The following FCHSD2 variants were observed in gnomAD, a reference collection of about 807,000 sequenced individuals.
FCHSD2 encodes the protein FCH and double SH3 domains 2, also known as F-BAR and double SH3 domains protein 2.
FCHSD2 carries 38 observed loss-of-function variants against 108.1 expected under a neutral mutation model. That is an observed-to-expected ratio of 0.35 (90% CI 0.27 to 0.46). FCHSD2 has a LOEUF of 0.46. Among genes scored for constraint, FCHSD2 ranks in the 20% least tolerant of loss-of-function variants. The pLI, the probability that FCHSD2 is intolerant of heterozygous loss-of-function variation, is 1.00. For synonymous variants in FCHSD2, 279 were observed against 314.7 expected, an observed-to-expected ratio of 0.89 and a Z score of 1.20; for missense variants, 751 against 897.8, an observed-to-expected ratio of 0.84 and a Z score of 2.09.
chr11:72,859,183 A>G (rs1861508290), intron 13 of FCHSD2, among the ~76,000 whole-genome samples: 1 of 152,202 alleles, frequency 6.6e-6, no homozygotes, highest in Non-Finnish European at 1.5e-5. Context: ...ATGATCTGAA[A>G]ATATTAAGTG....
At chr11:72,912,687 G>A (rs1855787852) in intron 9 of FCHSD2, among the ~76,000 whole-genome samples, 1 of 152,110 alleles carries the variant, frequency 6.6e-6, no homozygotes. Flanking sequence ...GGAATTGGTT[G>A]AGTAAAATTG....
intron 2 of FCHSD2, among the ~76,000 whole-genome samples, chr11:73,084,663 G>A (rs724673): frequency 0.15 from 23,477 of 152,158 alleles, 2,411 homozygotes; most frequent in East Asian, 0.38. Flanking sequence ...CAAAGCATTG[G>A]GATTACTGGC....
intron 3 of FCHSD2, chr11:73,077,778 C>T (rs6592510): frequency 0.77 from 204,469 of 265,988 alleles, 79,267 homozygotes; most frequent in South Asian, 0.86. Context: ...ATTATAAGGA[C>T]ACACAGGAAA....
chr11:73,093,049 C>A (rs146742719), intron 2 of FCHSD2, among the ~76,000 whole-genome samples: 1 of 152,244 alleles, frequency 6.6e-6, no homozygotes, highest in East Asian at 1.9e-4. Flanking sequence ...AGGCTAAGGC[C>A]AGCCGCATGA....
At chr11:72,901,663 T>C (rs563082282) in intron 10 of FCHSD2, among the ~76,000 whole-genome samples, 19 of 152,138 alleles carry the variant, frequency 1.2e-4, no homozygotes, top group African/African-American at 4.6e-4. Context: ...AATGGTAATT[T>C]TTGTGTTATG....
At chr11:72,955,494 T>G (rs1326771626) in intron 8 of FCHSD2, among the ~76,000 whole-genome samples, 2 of 152,124 alleles carry the variant, frequency 1.3e-5, no homozygotes, top group Non-Finnish European at 2.9e-5. Context: ...CTAATGGTGA[T>G]CAAGTCACCC....
intron 6 of FCHSD2, among the ~76,000 whole-genome samples, chr11:72,986,164 T>G (rs770173461): frequency 6.6e-6 from 1 of 152,156 alleles, no homozygotes; most frequent in East Asian, 1.9e-4. Context: ...TTTAAAAGAT[T>G]CCTGTTATTT....
intron 3 of FCHSD2, among the ~76,000 whole-genome samples, chr11:73,020,259 T>G (rs768586605): frequency 6.6e-6 from 1 of 152,222 alleles, no homozygotes; most frequent in Non-Finnish European, 1.5e-5. Context: ...GGAAATGGAC[T>G]GATGGCTTAA....
rs139631736 is a variant in FCHSD2 at position 73,013,773 on chromosome 11, G to C, written c.242+2036C>G. Among the ~76,000 whole-genome samples the C allele has an allele frequency of 3.1e-3, 471 of 152,254 alleles. 1 individual carries two copies. The highest frequency in any genetic ancestry group is 0.011 in the African/African-American group (447 of 41,548). On this transcript the variant is annotated intron_variant, in intron 4 of 19. Coordinates refer to ENST00000409418, the MANE Select transcript of FCHSD2 (RefSeq NM_014824.3). The stretch of plus-strand genomic sequence containing the variant: ...GTTTATAAGCTAGCCTAGGAGCATA[G>C]CTTTTTAATCCTTATTTCTTTGGTA...
intron 8 of FCHSD2, among the ~76,000 whole-genome samples, chr11:72,950,381 G>C (rs1457900142): frequency 6.6e-6 from 1 of 151,542 alleles, no homozygotes; most frequent in Non-Finnish European, 1.5e-5. Context: ...TGTGTTTTTG[G>C]TGATATCTGA....
intron 8 of FCHSD2, among the ~76,000 whole-genome samples, chr11:72,960,412 T>C (rs971157866): frequency 3.3e-5 from 5 of 152,224 alleles, no homozygotes; most frequent in African/African-American, 1.2e-4. Context: ...TCTAGTCTGC[T>C]GCTCCTTTGG....
intron 13 of FCHSD2, among the ~76,000 whole-genome samples, chr11:72,856,468 C>A (rs1002445589): frequency 6.6e-6 from 1 of 152,162 alleles, no homozygotes; most frequent in Non-Finnish European, 1.5e-5. Flanking sequence ...AAATGTCCTT[C>A]TGTATCCCAT....
At chr11:72,983,595 T>C (rs192556824) in intron 8 of FCHSD2, among the ~76,000 whole-genome samples, 1 of 152,304 alleles carries the variant, frequency 6.6e-6, no homozygotes, top group Admixed American at 6.5e-5. Flanking sequence ...AAATATTCTT[T>C]TGCATAAAAC....
rs191991072 is a variant in FCHSD2 at position 73,065,396 on chromosome 11, T to C, written c.165+18299A>G. The stretch of plus-strand genomic sequence containing the variant: ...CTATTTATGACAAACCCACAGCCAA[T>C]ATCATACTGAATGGGCAAAAACTGG... On this transcript the variant is annotated intron_variant, in intron 3 of 19. Coordinates refer to ENST00000409418, the MANE Select transcript of FCHSD2 (RefSeq NM_014824.3). Among the ~76,000 whole-genome samples the C allele has an allele frequency of 1.6e-3, 240 of 152,268 alleles. 1 individual carries two copies. Among genetic ancestry groups the C allele is most frequent in the Non-Finnish European group, 2.8e-3 (190 of 68,030 alleles).
intron 14 of FCHSD2, among the ~76,000 whole-genome samples, chr11:72,846,065 TAGATAGATAGATAGATAGATAGATAGATA>T (rs1464977722): frequency 1.1e-3 from 1 of 952 alleles, no homozygotes; most frequent in East Asian, 0.25. Context: ...GATAGATAGA[TAGATAGATAGATAGATAGATAGATAGATA>T]AGTAGTTACG....
intron 13 of FCHSD2, among the ~76,000 whole-genome samples, chr11:72,867,624 C>T (rs563544130): frequency 5.3e-5 from 8 of 152,030 alleles, no homozygotes; most frequent in East Asian, 1.9e-4. Flanking sequence ...AGATAGGCAT[C>T]GATAACCCAA....
At chr11:73,057,795 T>C (rs984591770) in intron 3 of FCHSD2, among the ~76,000 whole-genome samples, 8 of 151,944 alleles carry the variant, frequency 5.3e-5, no homozygotes, top group African/African-American at 1.9e-4. Context: ...CCCACAGCTA[T>C]ACAGGGAATG....
intron 3 of FCHSD2, among the ~76,000 whole-genome samples, chr11:73,079,391 G>A (rs779605602): frequency 2.6e-5 from 4 of 151,954 alleles, no homozygotes; most frequent in South Asian, 2.1e-4. Context: ...GTAGAGACGG[G>A]GTTTCACCAT....
chr11:73,106,309 G>C (rs940816205), intron 2 of FCHSD2, among the ~76,000 whole-genome samples: 10 of 151,602 alleles, frequency 6.6e-5, no homozygotes, highest in Non-Finnish European at 1.3e-4. Context: ...GGGAGGCTAA[G>C]GCAGGAGGAT....
Sources: allele counts gnomAD v4.1 joint callset (sites outside exome capture counted in the v4.1 genomes callset), GRCh38; gene constraint gnomAD v4.1.1; transcripts MANE v1.5; gene names NCBI Gene and HGNC (gene_info 2026-07-23, HGNC 2026-07-21).